MNS1: variants seen among roughly 807,000 people sequenced by gnomAD.
The protein encoded by MNS1 is meiosis specific nuclear structural 1.
A neutral mutation model predicts 72.0 loss-of-function variants in MNS1; 63 were observed. The ratio of observed to expected loss-of-function variants is 0.87; its 90% confidence interval spans 0.71 to 1.08. MNS1 has a LOEUF of 1.08. MNS1 is among the 50% of genes least tolerant of loss of function. The probability of loss-of-function intolerance (pLI) is 0.00; values close to 1 mark genes in which losing one functional copy is unlikely to be tolerated. For synonymous variants in MNS1, 188 were observed against 172.1 expected, an observed-to-expected ratio of 1.09 and a Z score of -0.72; for missense variants, 604 against 562.4, an observed-to-expected ratio of 1.07 and a Z score of -0.75.
intron 8 of MNS1, 103 bp from the exon 9 acceptor site, chr15:56,431,601 T>A: frequency 9.3e-7 from 1 of 1,075,594 alleles, no homozygotes; most frequent in South Asian, 1.6e-5. Context: ...ATTGATGAAC[T>A]ATTTATGACA....
chr15:56,464,668 G>A (rs1892674324), intron 1 of MNS1, among the ~76,000 whole-genome samples: 1 of 151,952 alleles, frequency 6.6e-6, no homozygotes, highest in Admixed American at 6.6e-5. Context: ...AATGTAATAG[G>A]TCAATTCGCC....
At chr15:56,454,533 CT>C (rs772260777) in intron 3 of MNS1, among the ~76,000 whole-genome samples, 3 of 152,052 alleles carry the variant, frequency 2.0e-5, no homozygotes, top group Non-Finnish European at 2.9e-5. Context: ...ATACTTCTTA[CT>C]GTTGTCTCTT....
chr15:56,458,725 G>C (rs1313062575), intron 2 of MNS1, among the ~76,000 whole-genome samples: 1 of 152,034 alleles, frequency 6.6e-6, no homozygotes, highest in Non-Finnish European at 1.5e-5. Context: ...TTTTGGACTG[G>C]CTTCTTTCAC....
At chr15:56,432,545 A>C (rs574827430) in intron 8 of MNS1, among the ~76,000 whole-genome samples, 112 of 152,340 alleles carry the variant, frequency 7.4e-4, no homozygotes, top group African/African-American at 2.5e-3. Flanking sequence ...AATCAAACGG[A>C]CAAAACTAAG....
chr15:56,447,111 G>A, intron 3 of MNS1, 168 bp from the exon 4 acceptor site: 1 of 541,392 alleles, frequency 1.8e-6, no homozygotes, highest in East Asian at 3.1e-5. Flanking sequence ...ATGCCTTTAG[G>A]GCATTAGGGC....
intron 3 of MNS1, among the ~76,000 whole-genome samples, chr15:56,454,774 G>C (rs573079802): frequency 1.3e-5 from 2 of 151,920 alleles, no homozygotes; most frequent in African/African-American, 4.8e-5. Flanking sequence ...ACCATAGCCC[G>C]TATCTCTTTT....
In MNS1 at chr15:56,443,727, CTA is replaced by C. The variant is rs1247705297; in HGVS notation, c.812_813del (p.Ile271ArgfsTer4). On this transcript the variant is annotated frameshift_variant, in exon 6 of 10. Transcript: ENST00000260453. LOFTEE classifies it high-confidence loss of function. ...EEMEEENRKIIEFANMQQQRE... is the reference protein window; with the variant it reads ...EEMEEENRKIXEFANMQQQRE... ...CTTTGCTGCTGCATGTTAGCAAACT[CTA>C]TGATTTTTCTGTTTTCTTCTTCCAT... 4 of 1,613,220 alleles carry C rather than the reference CTA, an allele frequency of 2.5e-6. No individual in the cohort carries two copies. Among genetic ancestry groups the C allele is most frequent in the South Asian group, 2.2e-5 (2 of 91,018 alleles).
In MNS1 at chr15:56,465,060, A is replaced by C. The variant is rs2051050753; in HGVS notation, c.-88T>G. 1 of 1,548,236 alleles carries C rather than the reference A, an allele frequency of 6.5e-7. No individual in the cohort carries two copies. Among genetic ancestry groups the C allele is most frequent in the Admixed American group, 2.0e-5 (1 of 49,326 alleles). ...AGCAGCCAGCAGCCCCAAGGAGCGCACCTGGCTGCGCGCGCTCGGGTGTTT... is the reference window on the plus strand; with the variant it reads ...AGCAGCCAGCAGCCCCAAGGAGCGCCCCTGGCTGCGCGCGCTCGGGTGTTT... On this transcript the variant is annotated 5_prime_UTR_variant, in exon 1 of 10. Coordinates refer to ENST00000260453, the MANE Select transcript of MNS1 (RefSeq NM_018365.4).
At chr15:56,435,322 CTG>C (rs1184660655) in intron 7 of MNS1, among the ~76,000 whole-genome samples, 1 of 151,384 alleles carries the variant, frequency 6.6e-6, no homozygotes, top group Non-Finnish European at 1.5e-5. Flanking sequence ...CATAATAAAA[CTG>C]TAGAAATCAA....
chr15:56,447,590 A>C (rs1477636436), intron 3 of MNS1: 1 of 152,204 alleles, frequency 6.6e-6, no homozygotes, highest in Non-Finnish European at 1.5e-5. Context: ...CAGAAATACA[A>C]TTAATGTTTA....
At position 56,464,236 on chromosome 15, in the gene MNS1, C is replaced by A. The variant is rs749881585; in HGVS notation, c.15G>T (p.Arg5Ser). 6.3e-7 allele frequency: 1 copy of A among 1,599,324 alleles called. No individual in the cohort carries two copies. The highest frequency in any genetic ancestry group is 1.7e-4 in the Middle Eastern group (1 of 5,966). Residue 5 changes from arginine (R) to serine (S), a missense_variant, in exon 2 of 10, where the codon AGG becomes AGT. Transcript: ENST00000260453. MGSK[R>S]RNLSCSERHQ... ...GCCTTTCACTACAGCTCAAATTTCTCCTTTTGGAACCCTACGATGGAAGAA... is the reference window on the plus strand; with the variant it reads ...GCCTTTCACTACAGCTCAAATTTCTACTTTTGGAACCCTACGATGGAAGAA...
chr15:56,458,692 C>T (rs865903097), intron 2 of MNS1, among the ~76,000 whole-genome samples: 10 of 152,106 alleles, frequency 6.6e-5, no homozygotes, highest in Admixed American at 5.9e-4. Flanking sequence ...GTCACATAGT[C>T]GGAATTATAC....
rs1408848965 is a variant in MNS1, at chr15:56,459,739, G to A, written c.226-3218C>T. 3.3e-5 allele frequency among the ~76,000 whole-genome samples: 5 copies of A among 151,502 alleles called. No homozygotes were observed. In the East Asian group the frequency reaches 9.7e-4, roughly 29 times the overall value. On this transcript the variant is annotated intron_variant, in intron 2 of 9. Coordinates refer to ENST00000260453, the MANE Select transcript of MNS1 (RefSeq NM_018365.4). ...TGGCTCATGCCTGTAATCCACTTTG[G>A]GAGCACTTTGGGAGGCCGAAGAGGA... is the stretch of plus-strand genomic sequence containing the variant.
intron 3 of MNS1, among the ~76,000 whole-genome samples, chr15:56,455,598 T>A (rs2050976892): frequency 6.6e-6 from 1 of 152,184 alleles, no homozygotes. Context: ...TGATTAGCAT[T>A]TACTTGGCCC....
intron 4 of MNS1, 44 bp from the exon 5 acceptor site, chr15:56,444,717 CATAGTACGATAGT>C: frequency 1.4e-6 from 2 of 1,464,862 alleles, no homozygotes; most frequent in South Asian, 2.3e-5. Flanking sequence ...CAAATTTGAA[CATAGTACGATAGT>C]ATATTTTACA....
chr15:56,434,403 A>C lies in MNS1; in HGVS notation c.1012-8T>G. ...TTTCTTTTCTGCTTCTTCCTAAACA[A>C]TACAGCTGAAAGTTAATTTAGTAAC... On this transcript the variant is annotated splice_region_variant and splice_polypyrimidine_tract_variant and intron_variant, in intron 7 of 9. Transcript: ENST00000260453. 6.2e-7 allele frequency: 1 copy of C among 1,602,520 alleles called. No homozygotes were observed. Among genetic ancestry groups the C allele is most frequent in the Non-Finnish European group, 8.5e-7 (1 of 1,174,562 alleles).
intron 3 of MNS1, 30 bp from the exon 4 acceptor site, chr15:56,446,973 T>C: frequency 3.4e-6 from 5 of 1,488,880 alleles, no homozygotes; most frequent in Non-Finnish European, 4.6e-6. Context: ...CAAATTTAAA[T>C]GTTAGGACCA....
chr15:56,441,998 C>A (rs1328282067), intron 7 of MNS1, among the ~76,000 whole-genome samples: 1 of 151,398 alleles, frequency 6.6e-6, no homozygotes. Context: ...CCAACCTGGG[C>A]GACAGAGCGA....
chr15:56,462,595 T>C (rs989363427), intron 2 of MNS1, among the ~76,000 whole-genome samples: 2 of 152,164 alleles, frequency 1.3e-5, no homozygotes, highest in Non-Finnish European at 2.9e-5. Flanking sequence ...CTGGCTTAGT[T>C]TAGCAAGCTA....
Sources: gnomAD v4.1 joint callset for allele counts (sites outside exome capture counted in the v4.1 genomes callset) on GRCh38, gnomAD v4.1.1 for gene constraint, MANE v1.5 for transcripts, NCBI Gene and HGNC (gene_info 2026-07-23, HGNC 2026-07-21) for gene names.